Variants in FOXP1 observed in about 807,000 individuals in gnomAD.
FOXP1 encodes the protein forkhead box protein P1.
In FOXP1, 15 loss-of-function variants were observed where a neutral mutation model predicts 98.2. That is an observed-to-expected ratio of 0.15 (90% CI 0.10 to 0.24). The LOEUF is 0.24. Ranked by LOEUF, FOXP1 falls within the 10% of genes least tolerant of loss-of-function variation. The probability of loss-of-function intolerance (pLI) is 1.00; values close to 1 mark genes in which losing one functional copy is unlikely to be tolerated. For missense variants in FOXP1, 633 were observed against 848.5 expected (o/e 0.75, Z 3.15); for synonymous variants, 371 against 314.5 (o/e 1.18, Z -1.90).
chr3:71,009,475 G>A (rs1465145319), intron 12 of FOXP1, among the ~76,000 whole-genome samples: 2 of 152,018 alleles, frequency 1.3e-5, no homozygotes, highest in Admixed American at 6.6e-5. Context: ...CCCCTTTATG[G>A]AAAAAATTTG....
At chr3:71,252,605 T>C (rs1576602266) in intron 5 of FOXP1, among the ~76,000 whole-genome samples, 1 of 152,234 alleles carries the variant, frequency 6.6e-6, no homozygotes, top group Non-Finnish European at 1.5e-5. Flanking sequence ...GCCAACTTCA[T>C]GCAAGGCTTT....
At chr3:71,044,060 C>T (rs1352105455) in intron 10 of FOXP1, among the ~76,000 whole-genome samples, 1 of 152,188 alleles carries the variant, frequency 6.6e-6, no homozygotes, top group East Asian at 1.9e-4. Context: ...AATCGCTTTC[C>T]TCCATCAATG....
chr3:71,089,180 T>C (rs1049021502), intron 7 of FOXP1, among the ~76,000 whole-genome samples: 1 of 152,174 alleles, frequency 6.6e-6, no homozygotes, highest in Admixed American at 6.5e-5. Flanking sequence ...TCAGGGCCGG[T>C]CTCTGTGACC....
At chr3:71,042,885 C>T (rs2048535179) in intron 10 of FOXP1, among the ~76,000 whole-genome samples, 1 of 152,174 alleles carries the variant, frequency 6.6e-6, no homozygotes, top group Admixed American at 6.5e-5. Context: ...CTTTGCTAAA[C>T]TGTTAAAGAT....
chr3:71,582,139 T>G (rs975142509), intron 1 of FOXP1: 150 of 981,894 alleles, frequency 1.5e-4, no homozygotes, highest in Non-Finnish European at 1.8e-4. Context: ...CGACTTTGTT[T>G]CCGGGAGCGG....
chr3:70,984,847 G>A (rs1267508163), intron 14 of FOXP1, among the ~76,000 whole-genome samples: 1 of 152,148 alleles, frequency 6.6e-6, no homozygotes, highest in Non-Finnish European at 1.5e-5. Context: ...TTCCCGAGAT[G>A]AGCGTATCCT....
chr3:71,360,944 G>A (rs1376887573), intron 3 of FOXP1, among the ~76,000 whole-genome samples: 2 of 152,160 alleles, frequency 1.3e-5, no homozygotes, highest in African/African-American at 4.8e-5. Context: ...CCCAGTGGGT[G>A]TCTCTTCTAG....
At chr3:71,304,647 T>C (rs1046333894) in intron 4 of FOXP1, 2 of 152,190 alleles carry the variant, frequency 1.3e-5, no homozygotes, top group African/African-American at 4.8e-5. Flanking sequence ...ATTTTTCCCC[T>C]TAAAAACCAA....
At chr3:71,492,451 CAA>C (rs71120336) in intron 3 of FOXP1, among the ~76,000 whole-genome samples, 14 of 128,830 alleles carry the variant, frequency 1.1e-4, no homozygotes, top group East Asian at 2.2e-4. Flanking sequence ...ACTCCGTCTC[CAA>C]AAAAAAAAAA....
chr3:71,238,161 C>T (rs1560166766), intron 5 of FOXP1, among the ~76,000 whole-genome samples: 1 of 152,150 alleles, frequency 6.6e-6, no homozygotes, highest in Admixed American at 6.5e-5. Flanking sequence ...TATAGATTAG[C>T]GGGGACCATG....
chr3:71,016,085 A>G (rs2044433098), intron 11 of FOXP1, among the ~76,000 whole-genome samples: 1 of 152,206 alleles, frequency 6.6e-6, no homozygotes, highest in Non-Finnish European at 1.5e-5. Context: ...CTGCTTTCAT[A>G]TAATCACATA....
chr3:71,106,461 G>A (rs970570355), intron 7 of FOXP1, among the ~76,000 whole-genome samples: 3 of 151,788 alleles, frequency 2.0e-5, no homozygotes, highest in African/African-American at 4.8e-5. Flanking sequence ...TCAGCCTCCC[G>A]AGTAGCTGGG....
At chr3:71,544,378 G>GA (rs941386722) in intron 2 of FOXP1, among the ~76,000 whole-genome samples, 2,122 of 120,672 alleles carry the variant, frequency 0.018, 29 homozygotes, top group Non-Finnish European at 0.024. Flanking sequence ...TAAAGAAATG[G>GA]AAAAAAAAAA....
intron 5 of FOXP1, among the ~76,000 whole-genome samples, chr3:71,235,133 A>G (rs955590801): frequency 5.8e-4 from 13 of 22,580 alleles, no homozygotes; most frequent in African/African-American, 1.7e-3. Flanking sequence ...CTGATGGGGA[A>G]AAAAAAAATC....
At chr3:71,449,349 C>T (rs1461155343) in intron 3 of FOXP1, among the ~76,000 whole-genome samples, 1 of 152,152 alleles carries the variant, frequency 6.6e-6, no homozygotes, top group African/African-American at 2.4e-5. Flanking sequence ...CCTAAACACC[C>T]TCTGTGGCTC....
intron 4 of FOXP1, among the ~76,000 whole-genome samples, 159 bp from the exon 5 acceptor site, chr3:71,300,039 T>C (rs1336541699): frequency 6.6e-6 from 1 of 152,238 alleles, no homozygotes; most frequent in Non-Finnish European, 1.5e-5. Flanking sequence ...TCTCTACTTA[T>C]CTGGACCATA....
At chr3:71,064,576 ATC>A (rs1232890507) in intron 7 of FOXP1, among the ~76,000 whole-genome samples, 1 of 151,834 alleles carries the variant, frequency 6.6e-6, no homozygotes, top group East Asian at 1.9e-4. Context: ...GTGGGGGGGT[ATC>A]TCTCTCCAGG....
intron 2 of FOXP1, among the ~76,000 whole-genome samples, chr3:71,539,176 A>G (rs2044573184): frequency 6.7e-6 from 1 of 149,380 alleles, no homozygotes; most frequent in Admixed American, 6.7e-5. Context: ...CAGTGGCGCA[A>G]TCTTGGCTCA....
intron 3 of FOXP1, among the ~76,000 whole-genome samples, chr3:71,485,420 A>C (rs1294920069): frequency 6.6e-6 from 1 of 152,150 alleles, no homozygotes; most frequent in Non-Finnish European, 1.5e-5. Flanking sequence ...ATGTCATTTC[A>C]CTCTTAGATA....
Sources: allele counts gnomAD v4.1 joint callset (sites outside exome capture counted in the v4.1 genomes callset), GRCh38; gene constraint gnomAD v4.1.1; transcripts MANE v1.5; gene names NCBI Gene and HGNC (gene_info 2026-07-23, HGNC 2026-07-21).